The following EDARADD variants were observed in gnomAD, a reference collection of about 807,000 sequenced individuals.
The protein encoded by EDARADD is ectodysplasin-A receptor-associated adapter protein.
A neutral mutation model predicts 25.6 loss-of-function variants in EDARADD; 20 were observed. The observed-to-expected ratio is 0.78, with a 90% CI of 0.55 to 1.14. The LOEUF is 1.14. Ranked by LOEUF, EDARADD falls within the 50% of genes most tolerant of loss-of-function variation. The pLI is 0.00. For synonymous variants in EDARADD, 86 were observed against 94.4 expected, an observed-to-expected ratio of 0.91 and a Z score of 0.52; for missense variants, 225 against 270.1, an observed-to-expected ratio of 0.83 and a Z score of 1.17.
intron 2 of EDARADD, among the ~76,000 whole-genome samples, chr1:236,409,829 G>C (rs1450001161): frequency 6.6e-6 from 1 of 151,866 alleles, no homozygotes; most frequent in Non-Finnish European, 1.5e-5. Flanking sequence ...CTCCCAAAGT[G>C]CTGGGATTAC....
chr1:236,436,129 C>A (rs1468317346), intron 4 of EDARADD, among the ~76,000 whole-genome samples: 1 of 150,858 alleles, frequency 6.6e-6, no homozygotes, highest in African/African-American at 2.4e-5. Context: ...TAAAGTGAGA[C>A]CCCATCTCTA....
chr1:236,415,664 T>G (rs1657616650), intron 3 of EDARADD, among the ~76,000 whole-genome samples: 1 of 152,138 alleles, frequency 6.6e-6, no homozygotes, highest in South Asian at 2.1e-4. Flanking sequence ...AGGCTGGTCT[T>G]GAACTCCTGA....
chr1:236,483,302 C>G lies in EDARADD; in HGVS notation c.*653C>G. 2 of 1,599,608 alleles carry G rather than the reference C, an allele frequency of 1.3e-6. No homozygotes were observed. Among genetic ancestry groups the G allele is most frequent in the Non-Finnish European group, 1.7e-6 (2 of 1,169,450 alleles). Reference sequence around the variant, plus strand: ...GTGCTTCAACTGGTATCTATGAGGTCCTAGAGCTCCAGGACAATGATAAGA... The same window carrying G: ...GTGCTTCAACTGGTATCTATGAGGTGCTAGAGCTCCAGGACAATGATAAGA... On this transcript the variant is annotated 3_prime_UTR_variant, in exon 6 of 6. Coordinates refer to ENST00000334232, the MANE Select transcript of EDARADD (RefSeq NM_145861.4).
rs1434487719 is a variant in EDARADD at position 236,411,545 on chromosome 1, TTC to T, written c.120+2273_120+2274del. ...TTTCTTCTTCTTCTTCCTCTTCTTC[TTC>T]TTTTTTTTTTTTGAGATGGGGTTTC... On this transcript the variant is annotated intron_variant, in intron 2 of 5. Transcript: ENST00000334232. Among the ~76,000 whole-genome samples the T allele has an allele frequency of 1.3e-3, 194 of 147,102 alleles. 2 individuals carry two copies. Among genetic ancestry groups the T allele is most frequent in the African/African-American group, 4.3e-3 (174 of 40,582 alleles).
At chr1:236,397,011 T>G (rs1572127164) in intron 1 of EDARADD, among the ~76,000 whole-genome samples, 3 of 149,850 alleles carry the variant, frequency 2.0e-5, no homozygotes, top group East Asian at 3.9e-4. Context: ...TTGAGAGAGA[T>G]ACACTGCATG....
chr1:236,391,837 C>G (rs1667429657), upstream of EDARADD, among the ~76,000 whole-genome samples: 1 of 152,164 alleles, frequency 6.6e-6, no homozygotes, highest in Non-Finnish European at 1.5e-5. Context: ...ACCAACAGTC[C>G]TTTCCACACT....
intron 4 of EDARADD, among the ~76,000 whole-genome samples, chr1:236,431,676 C>G (rs113118745): frequency 0.14 from 7,541 of 52,148 alleles, 1,543 homozygotes; most frequent in African/African-American, 0.22. Context: ...AATCCCAGCA[C>G]TTTGGGAGGC....
intron 3 of EDARADD, among the ~76,000 whole-genome samples, chr1:236,365,773 T>C (rs604448): frequency 0.34 from 52,203 of 152,000 alleles, 9,212 homozygotes; most frequent in African/African-American, 0.42. Context: ...TAAGTTGTCC[T>C]ACAGTTAACT....
intron 3 of EDARADD, among the ~76,000 whole-genome samples, chr1:236,380,117 C>T (rs914656953): frequency 2.6e-5 from 4 of 152,104 alleles, no homozygotes; most frequent in Admixed American, 6.6e-5. Context: ...TATTTCCTTC[C>T]TTCATAACGC....
At chr1:236,439,644 A>T (rs1658351062) in intron 4 of EDARADD, among the ~76,000 whole-genome samples, 3 of 152,188 alleles carry the variant, frequency 2.0e-5, no homozygotes, top group Admixed American at 2.0e-4. Context: ...CCATTTGTGT[A>T]TCTTCTGTGA....
chr1:236,463,818 G>A lies in EDARADD; in HGVS notation c.220-4413G>A, dbSNP rs1043875874. On this transcript the variant is annotated intron_variant, in intron 4 of 5. Transcript: ENST00000334232. ...TTCAGGCTTCTCCAGATTTGCCCCC[G>A]TTTTTCTCCCTCTTTGTCCCATCTC... Among the ~76,000 whole-genome samples, 6 of 152,058 alleles carry A rather than the reference G, an allele frequency of 3.9e-5. 1 individual carries two copies. The highest frequency in any genetic ancestry group is 2.1e-4 in the South Asian group (1 of 4,816).
At chr1:236,355,752 C>T (rs886227023) in intron 3 of EDARADD, among the ~76,000 whole-genome samples, 16 of 151,754 alleles carry the variant, frequency 1.1e-4, no homozygotes, top group Non-Finnish European at 1.5e-5. Context: ...TCAGGTGATC[C>T]ACCCACCTCA....
At chr1:236,443,746 T>C (rs1658461887) in intron 4 of EDARADD, among the ~76,000 whole-genome samples, 1 of 152,224 alleles carries the variant, frequency 6.6e-6, no homozygotes, top group Admixed American at 6.5e-5. Context: ...TTTAGAGTAG[T>C]ACATAAATTT....
At chr1:236,431,294 C>G (rs1425788348) in intron 4 of EDARADD, among the ~76,000 whole-genome samples, 1 of 151,980 alleles carries the variant, frequency 6.6e-6, no homozygotes, top group African/African-American at 2.4e-5. Flanking sequence ...GTCCTAGTGT[C>G]AAAAATTAAA....
intron 3 of EDARADD, among the ~76,000 whole-genome samples, chr1:236,356,329 C>G (rs550460946): frequency 6.6e-5 from 10 of 152,132 alleles, no homozygotes; most frequent in Admixed American, 1.3e-4. Context: ...ATCAAAATAG[C>G]CTCCTATCAG....
intron 4 of EDARADD, among the ~76,000 whole-genome samples, chr1:236,432,068 TC>T (rs796847084): frequency 5.9e-5 from 9 of 152,250 alleles, no homozygotes; most frequent in African/African-American, 2.2e-4. Flanking sequence ...GGAAAACATT[TC>T]CTAGGACCTT....
intron 5 of EDARADD, among the ~76,000 whole-genome samples, chr1:236,477,376 G>A (rs192302531): frequency 2.6e-5 from 4 of 151,962 alleles, no homozygotes; most frequent in East Asian, 3.9e-4. Flanking sequence ...TTACCTGGGC[G>A]TGGTGGCAGG....
At chr1:236,393,757 T>A (rs1049060658), upstream of EDARADD, among the ~76,000 whole-genome samples, 1 of 152,154 alleles carries the variant, frequency 6.6e-6, no homozygotes, top group African/African-American at 2.4e-5. Context: ...GAAATAAAAG[T>A]TGAAGGACAT....
chr1:236,373,958 A>G (rs1157021907), intron 3 of EDARADD, among the ~76,000 whole-genome samples: 2 of 152,122 alleles, frequency 1.3e-5, no homozygotes, highest in Non-Finnish European at 1.5e-5. Context: ...TACAAGTACA[A>G]TATTTTGAGA....
Sources: allele counts gnomAD v4.1 joint callset (sites outside exome capture counted in the v4.1 genomes callset), GRCh38; gene constraint gnomAD v4.1.1; transcripts MANE v1.5; gene names NCBI Gene and HGNC (gene_info 2026-07-23, HGNC 2026-07-21).